The following SDHAF3 variants were observed in gnomAD, a reference collection of about 807,000 sequenced individuals.
SDHAF3 encodes succinate dehydrogenase complex assembly factor 3, also known as succinate dehydrogenase assembly factor 3, mitochondrial.
In SDHAF3, 18 loss-of-function variants were observed where a neutral mutation model predicts 11.5. The observed-to-expected ratio is 1.56, with a 90% CI of 1.08 to 2.32. SDHAF3 has a LOEUF of 2.32. Among genes scored for constraint, SDHAF3 ranks in the 30% most tolerant of loss-of-function variants. The pLI is 0.00. For missense variants in SDHAF3, 200 were observed against 154.4 expected (o/e 1.30, Z -1.57); for synonymous variants, 72 against 59.3 (o/e 1.21, Z -0.99).
In SDHAF3 at chr7:97,172,458, C is replaced by T. The variant is rs184131817; in HGVS notation, c.175-8554C>T. 6.0e-4 allele frequency among the ~76,000 whole-genome samples: 92 copies of T among 152,266 alleles called. No homozygotes were observed. The East Asian group carries it at 0.016, about 26-fold the overall frequency. ...TCTTGGTTCTTGTCTTTCTGTGACT[C>T]TTATCACCTTTCCATATTCAAATCC... is the stretch of plus-strand genomic sequence containing the variant. On this transcript the variant is annotated intron_variant, in intron 1 of 1. Transcript: ENST00000432641.
intron 1 of SDHAF3, among the ~76,000 whole-genome samples, chr7:97,149,650 T>C (rs537484567): frequency 2.0e-5 from 3 of 152,372 alleles, no homozygotes; most frequent in Admixed American, 6.5e-5. Flanking sequence ...TTTAAAAATA[T>C]TGCTGAAAAT....
intron 1 of SDHAF3, among the ~76,000 whole-genome samples, chr7:97,162,824 T>A (rs1789435021): frequency 6.6e-6 from 1 of 152,194 alleles, no homozygotes; most frequent in Admixed American, 6.5e-5. Context: ...GTGGTCAATT[T>A]TAGAATAATT....
chr7:97,177,715 A>G (rs890552491), intron 1 of SDHAF3, among the ~76,000 whole-genome samples: 3 of 152,206 alleles, frequency 2.0e-5, no homozygotes, highest in African/African-American at 4.8e-5. Context: ...CCAGTCTACT[A>G]TTAAGTGACA....
chr7:97,169,860 T>C (rs543668646), intron 1 of SDHAF3, among the ~76,000 whole-genome samples: 4 of 152,274 alleles, frequency 2.6e-5, no homozygotes, highest in African/African-American at 7.2e-5. Flanking sequence ...CTAATATTGA[T>C]AGTAAAATAA....
rs117307428 is a variant in SDHAF3, at chr7:97,179,724, C to T, written c.175-1288C>T. On this transcript the variant is annotated intron_variant, in intron 1 of 1. Coordinates refer to ENST00000432641, the MANE Select transcript of SDHAF3 (RefSeq NM_020186.3). Reference sequence around the variant, plus strand: ...CTGACCCCTCCCCACCCCTACCCCCCCTACACACACAAAATAGTGCCAAGG... The same window carrying T: ...CTGACCCCTCCCCACCCCTACCCCCTCTACACACACAAAATAGTGCCAAGG... 3.9e-5 allele frequency among the ~76,000 whole-genome samples: 6 copies of T among 152,074 alleles called. No homozygotes were observed. The South Asian group carries it at 1.0e-3, about 26-fold the overall frequency.
intron 1 of SDHAF3, among the ~76,000 whole-genome samples, chr7:97,124,292 G>A (rs1352939248): frequency 6.6e-6 from 1 of 152,028 alleles, no homozygotes; most frequent in Non-Finnish European, 1.5e-5. Context: ...TGTCAAAGAT[G>A]AGATGGTTGC....
At chr7:97,165,754 C>T (rs1789494223) in intron 1 of SDHAF3, among the ~76,000 whole-genome samples, 1 of 152,152 alleles carries the variant, frequency 6.6e-6, no homozygotes, top group East Asian at 1.9e-4. Flanking sequence ...GGCAGTTTGC[C>T]TTGTAAAACA....
intron 1 of SDHAF3, among the ~76,000 whole-genome samples, chr7:97,137,914 C>A (rs1788955817): frequency 6.8e-6 from 1 of 146,542 alleles, no homozygotes; most frequent in Non-Finnish European, 1.5e-5. Context: ...GTTTTGTCGC[C>A]CAGGCTGGAG....
At chr7:97,124,926 A>G (rs981837323) in intron 1 of SDHAF3, among the ~76,000 whole-genome samples, 3 of 152,200 alleles carry the variant, frequency 2.0e-5, no homozygotes, top group Non-Finnish European at 2.9e-5. Flanking sequence ...TAAATACACA[A>G]TCAGGTCATC....
At chr7:97,140,762 A>G (rs1267023336) in intron 1 of SDHAF3, among the ~76,000 whole-genome samples, 4 of 152,182 alleles carry the variant, frequency 2.6e-5, no homozygotes, top group Non-Finnish European at 5.9e-5. Context: ...ATGTCGCCTC[A>G]GGACCCTGTG....
At chr7:97,170,056 C>T (rs146825828) in intron 1 of SDHAF3, among the ~76,000 whole-genome samples, 209 of 151,288 alleles carry the variant, frequency 1.4e-3, no homozygotes, top group African/African-American at 4.9e-3. Flanking sequence ...ATCCTCACCT[C>T]CATTGAGGTA....
At chr7:97,148,135 C>A (rs1789164470) in intron 1 of SDHAF3, among the ~76,000 whole-genome samples, 2 of 152,094 alleles carry the variant, frequency 1.3e-5, no homozygotes, top group Admixed American at 1.3e-4. Flanking sequence ...CCCAAGTGAT[C>A]CACCTCAGCC....
chr7:97,123,439 A>G lies in SDHAF3; in HGVS notation c.174+5542A>G, dbSNP rs1335220900. Among the ~76,000 whole-genome samples, 3 of 152,174 alleles carry G rather than the reference A, an allele frequency of 2.0e-5. No individual in the cohort carries two copies. The East Asian group carries it at 5.8e-4, about 29-fold the overall frequency. On this transcript the variant is annotated intron_variant, in intron 1 of 1. Coordinates refer to ENST00000432641, the MANE Select transcript of SDHAF3 (RefSeq NM_020186.3). ...GTTCCAAGTCTTTGCTATTGTAAATAGTGCTGCAGTAAACATACATGTGCA... is the reference window on the plus strand; with the variant it reads ...GTTCCAAGTCTTTGCTATTGTAAATGGTGCTGCAGTAAACATACATGTGCA...
chr7:97,141,566 C>T (rs1000785312), intron 1 of SDHAF3, among the ~76,000 whole-genome samples: 13 of 152,124 alleles, frequency 8.5e-5, no homozygotes, highest in African/African-American at 1.4e-4. Flanking sequence ...GAATTTCCCC[C>T]GATATCTGGC....
intron 1 of SDHAF3, among the ~76,000 whole-genome samples, chr7:97,178,160 T>A (rs975663981): frequency 6.6e-6 from 1 of 152,248 alleles, no homozygotes; most frequent in African/African-American, 2.4e-5. Flanking sequence ...ATACAATATG[T>A]CTTTTTATGT....
intron 1 of SDHAF3, among the ~76,000 whole-genome samples, chr7:97,151,435 A>G (rs1471498061): frequency 1.3e-5 from 2 of 151,624 alleles, no homozygotes; most frequent in African/African-American, 4.8e-5. Flanking sequence ...ATAGATTAAA[A>G]TATCTCGGGG....
chr7:97,133,618 C>T (rs28664005), intron 1 of SDHAF3, among the ~76,000 whole-genome samples: 396 of 152,248 alleles, frequency 2.6e-3, no homozygotes, highest in African/African-American at 9.1e-3. Context: ...TACTATTACA[C>T]GTGTTAATGG....
At chr7:97,136,200 C>T (rs143574680) in intron 1 of SDHAF3, among the ~76,000 whole-genome samples, 180 of 152,156 alleles carry the variant, frequency 1.2e-3, no homozygotes, top group Middle Eastern at 6.8e-3. Context: ...TAATTTAATA[C>T]CCTTGAGTGT....
chr7:97,172,313 A>G (rs1789612271), intron 1 of SDHAF3, among the ~76,000 whole-genome samples: 1 of 152,150 alleles, frequency 6.6e-6, no homozygotes, highest in African/African-American at 2.4e-5. Flanking sequence ...AGTTAATGTG[A>G]CCAATCGTTA....
Sources: allele counts gnomAD v4.1 joint callset (sites outside exome capture counted in the v4.1 genomes callset), GRCh38; gene constraint gnomAD v4.1.1; transcripts MANE v1.5; gene names NCBI Gene and HGNC (gene_info 2026-07-23, HGNC 2026-07-21).